The following ITGA9 variants were observed in gnomAD, a reference collection of about 807,000 sequenced individuals.
The protein encoded by ITGA9 is integrin alpha-9.
In ITGA9, 56 loss-of-function variants were observed where a neutral mutation model predicts 127.8. The ratio of observed to expected loss-of-function variants is 0.44; its 90% CI spans 0.35 to 0.55. The LOEUF is 0.55. Ranked by LOEUF, ITGA9 falls within the 20% of genes least tolerant of loss-of-function variation. ITGA9 has a pLI of 0.00. For missense variants in ITGA9, 1,196 were observed against 1,347.1 expected, an observed-to-expected ratio of 0.89 and a Z score of 1.76; for synonymous variants, 508 against 514.5, an observed-to-expected ratio of 0.99 and a Z score of 0.17.
intron 15 of ITGA9, among the ~76,000 whole-genome samples, chr3:37,590,023 C>A (rs1029089557): frequency 6.6e-6 from 1 of 152,204 alleles, no homozygotes; most frequent in Non-Finnish European, 1.5e-5. Context: ...CCGCCATCCC[C>A]TAACAGGTAG....
intron 27 of ITGA9, among the ~76,000 whole-genome samples, chr3:37,813,225 GAC>G (rs1341931218): frequency 6.6e-6 from 1 of 152,154 alleles, no homozygotes; most frequent in Non-Finnish European, 1.5e-5. Flanking sequence ...GGTGCTCCTT[GAC>G]TTATCATATT....
chr3:37,652,532 G>A (rs1046657946), intron 16 of ITGA9, among the ~76,000 whole-genome samples: 5 of 152,096 alleles, frequency 3.3e-5, no homozygotes, highest in Non-Finnish European at 7.3e-5. Context: ...ATGTGGCAGG[G>A]GAATATGAAT....
Position 37,814,823 on chromosome 3 carries a change from T to A in ITGA9, c.3010-4068T>A, listed in dbSNP as rs1453000386. ...GTATCCCCCAGCCCCTTAAATGCAG[T>A]GTAGCACCTGCACTACTGTACCTAC... is the stretch of plus-strand genomic sequence containing the variant. On this transcript the variant is annotated intron_variant, in intron 27 of 27. Transcript: ENST00000264741. This position sits in a 1 kb window ranked among gnomAD's most constrained non-coding sequence, Gnocchi z 4.3. Among the ~76,000 whole-genome samples, 1 of 152,192 alleles carries A rather than the reference T, an allele frequency of 6.6e-6. No individual in the cohort carries two copies. Among genetic ancestry groups the A allele is most frequent in the African/African-American group, 2.4e-5 (1 of 41,456 alleles).
intron 26 of ITGA9, among the ~76,000 whole-genome samples, chr3:37,791,621 A>G (rs1283197061): frequency 6.6e-6 from 1 of 152,164 alleles, no homozygotes; most frequent in African/African-American, 2.4e-5. Context: ...AAACCTTTCT[A>G]CTTTCTGGAG....
intron 4 of ITGA9, among the ~76,000 whole-genome samples, chr3:37,489,047 G>C (rs1698640268): frequency 1.3e-5 from 2 of 152,132 alleles, no homozygotes; most frequent in South Asian, 4.2e-4. Context: ...GGATACTCTA[G>C]ACACCTCATG....
intron 23 of ITGA9, among the ~76,000 whole-genome samples, chr3:37,750,869 G>A (rs543072660): frequency 9.2e-5 from 14 of 152,372 alleles, no homozygotes; most frequent in South Asian, 6.2e-4. Context: ...AGTTGCATGC[G>A]TCTGAATGCA....
At chr3:37,582,489 C>T (rs1247794068) in intron 15 of ITGA9, among the ~76,000 whole-genome samples, 3 of 152,338 alleles carry the variant, frequency 2.0e-5, no homozygotes, top group African/African-American at 7.2e-5. Context: ...CTACCTCCAA[C>T]CCCATTCCAA....
At position 37,777,420 on chromosome 3, in the gene ITGA9, T is replaced by C. The variant is rs557998982; in HGVS notation, c.2570T>C (p.Phe857Ser). The change falls in exon 24 of 28, where the codon TTC (phenylalanine) becomes TCC (serine). Residue 857 changes from phenylalanine to serine, a missense_variant. Coordinates refer to ENST00000264741, the MANE Select transcript of ITGA9 (RefSeq NM_002207.3). ...VVGQEKGNCS[F>S]QKNPTPCIIP... ...GGCCAAGAGAAGGGAAACTGCTCTT[T>C]CCAGAAAAACCCAACTCCCTGCATC... 1.2e-6 allele frequency: 2 copies of C among 1,614,102 alleles called. No homozygotes were observed. Among genetic ancestry groups the C allele is most frequent in the Non-Finnish European group, 1.7e-6 (2 of 1,179,980 alleles).
chr3:37,556,378 TG>T (rs1271048612), intron 15 of ITGA9, among the ~76,000 whole-genome samples: 3 of 152,170 alleles, frequency 2.0e-5, no homozygotes, highest in African/African-American at 7.2e-5. Flanking sequence ...CATAGTTTTT[TG>T]GGGGATTAAA....
chr3:37,714,243 C>T (rs1394122951), intron 18 of ITGA9, among the ~76,000 whole-genome samples: 1 of 152,188 alleles, frequency 6.6e-6, no homozygotes, highest in Admixed American at 6.5e-5. Flanking sequence ...TTAAATAAGA[C>T]AGGGCAAAAT....
chr3:37,609,037 A>G (rs941439274), intron 15 of ITGA9, among the ~76,000 whole-genome samples: 6 of 152,166 alleles, frequency 3.9e-5, no homozygotes, highest in East Asian at 1.9e-4. Flanking sequence ...AAGTGGTGTC[A>G]TACTCTGATC....
intron 15 of ITGA9, among the ~76,000 whole-genome samples, chr3:37,554,632 T>C (rs1699412470): frequency 3.3e-5 from 5 of 152,044 alleles, no homozygotes; most frequent in Admixed American, 3.3e-4. Context: ...GTGGCTCCAC[T>C]GGGGCCATAG....
chr3:37,640,353 G>T (rs946119906), intron 16 of ITGA9, among the ~76,000 whole-genome samples: 2 of 152,162 alleles, frequency 1.3e-5, no homozygotes, highest in Non-Finnish European at 2.9e-5. Flanking sequence ...GTTGAAGATG[G>T]AGTATGTGAT....
intron 1 of ITGA9, among the ~76,000 whole-genome samples, chr3:37,466,018 C>G (rs1394904457): frequency 6.6e-6 from 1 of 152,100 alleles, no homozygotes; most frequent in Admixed American, 6.6e-5. Flanking sequence ...CCACCTGCTT[C>G]CCTATCTGTA....
chr3:37,630,628 G>A (rs1056633557), intron 16 of ITGA9, among the ~76,000 whole-genome samples: 1 of 152,210 alleles, frequency 6.6e-6, no homozygotes, highest in African/African-American at 2.4e-5. Context: ...GAAGAATGCA[G>A]ATGTGAGCCA....
intron 18 of ITGA9, among the ~76,000 whole-genome samples, chr3:37,729,776 T>C (rs1371415137): frequency 6.8e-6 from 1 of 146,108 alleles, no homozygotes. Context: ...CGATCTCGGC[T>C]CACTGCAACC....
chr3:37,693,900 G>A (rs984215778), intron 18 of ITGA9, among the ~76,000 whole-genome samples: 2 of 152,190 alleles, frequency 1.3e-5, no homozygotes, highest in African/African-American at 4.8e-5. Flanking sequence ...CAAGTTAATA[G>A]TAGCCTCAAG....
intron 22 of ITGA9, among the ~76,000 whole-genome samples, chr3:37,744,623 C>T (rs1208745870): frequency 6.6e-6 from 1 of 152,150 alleles, no homozygotes; most frequent in African/African-American, 2.4e-5. Context: ...AGACTGTGGA[C>T]CTCATGAAGG....
intron 1 of ITGA9, among the ~76,000 whole-genome samples, chr3:37,460,666 T>C (rs143120444): frequency 1.3e-5 from 2 of 149,132 alleles, no homozygotes; most frequent in Admixed American, 6.8e-5. Context: ...CTCGGCTCAC[T>C]GCGAGCTCCA....
Sources: gnomAD v4.1 joint callset for allele counts (sites outside exome capture counted in the v4.1 genomes callset) on GRCh38, gnomAD v4.1.1 for gene constraint, Gnocchi (gnomAD v3.1) non-coding constraint, MANE v1.5 for transcripts, NCBI Gene and HGNC (gene_info 2026-07-23, HGNC 2026-07-21) for gene names.